LINGO2: variants seen among roughly 807,000 people sequenced by gnomAD.
The protein encoded by LINGO2 is leucine-rich repeat and immunoglobulin-like domain-containing nogo receptor-interacting protein 2.
A neutral mutation model predicts 30.6 loss-of-function variants in LINGO2; 14 were observed. The ratio of observed to expected loss-of-function variants is 0.46; its 90% CI spans 0.30 to 0.72. The LOEUF is 0.72. Among genes scored for constraint, LINGO2 ranks in the 30% least tolerant of loss-of-function variants. LINGO2 has a pLI of 0.07. For synonymous variants in LINGO2, 317 were observed against 288.5 expected (o/e 1.10, Z -1.00); for missense variants, 729 against 751.7 (o/e 0.97, Z 0.35).
At chr9:28,584,502 G>T (rs951363682) in intron 1 of LINGO2, among the ~76,000 whole-genome samples, 2 of 151,924 alleles carry the variant, frequency 1.3e-5, no homozygotes, top group Non-Finnish European at 2.9e-5. Context: ...CGGTGTTATT[G>T]CAGTACTCTT....
At chr9:29,119,162 C>G in the LINGO2 span, among the ~76,000 whole-genome samples, 1 of 152,100 alleles carries the variant, frequency 6.6e-6, no homozygotes, top group Non-Finnish European at 1.5e-5. Flanking sequence ...AATCAGCATT[C>G]CCAATAGGGG....
intron 1 of LINGO2, among the ~76,000 whole-genome samples, chr9:28,511,651 T>C (rs965582420): frequency 6.6e-6 from 1 of 152,176 alleles, no homozygotes; most frequent in Non-Finnish European, 1.5e-5. Context: ...TTTTGGCCAC[T>C]CAGAGAGGTC....
At chr9:29,138,131 G>T in the LINGO2 span, among the ~76,000 whole-genome samples, 1 of 151,792 alleles carries the variant, frequency 6.6e-6, no homozygotes, top group Non-Finnish European at 1.5e-5. Context: ...TTCTGCTGCA[G>T]TCTCAATCAA....
intron 5 of LINGO2, among the ~76,000 whole-genome samples, chr9:27,961,544 A>G (rs1264854863): frequency 6.6e-6 from 1 of 152,184 alleles, no homozygotes; most frequent in Non-Finnish European, 1.5e-5. Context: ...TAATTAGAGG[A>G]ATGATTTACA....
chr9:28,413,462 G>C (rs1307101582), intron 2 of LINGO2, among the ~76,000 whole-genome samples: 3 of 151,982 alleles, frequency 2.0e-5, no homozygotes, highest in Non-Finnish European at 4.4e-5. Flanking sequence ...AAAGTGATAT[G>C]CGAACTCTAT....
intron 2 of LINGO2, among the ~76,000 whole-genome samples, chr9:28,433,949 C>CTCTCTCTCTCTCTCTCTCTA (rs1225323260): frequency 1.1e-5 from 1 of 88,474 alleles, no homozygotes; most frequent in African/African-American, 4.5e-5. Flanking sequence ...CTCTCTCTCT[C>CTCTCTCTCTCTCTCTCTCTA]TATATATATA....
At chr9:29,209,130 TCA>T in the LINGO2 span, among the ~76,000 whole-genome samples, 1 of 152,186 alleles carries the variant, frequency 6.6e-6, no homozygotes, top group Non-Finnish European at 1.5e-5. Flanking sequence ...GCCAATTTGT[TCA>T]CAGAGTATTA....
intron 1 of LINGO2, among the ~76,000 whole-genome samples, chr9:28,523,802 C>G (rs1402968312): frequency 1.3e-5 from 2 of 151,404 alleles, no homozygotes; most frequent in Non-Finnish European, 2.9e-5. Context: ...AAAGACATTT[C>G]TATGGATTGG....
chr9:28,850,347 A>C, the LINGO2 span, among the ~76,000 whole-genome samples: 1 of 151,916 alleles, frequency 6.6e-6, no homozygotes, highest in Admixed American at 6.6e-5. Flanking sequence ...CTGAGTCGAG[A>C]GTGAGAAATG....
chr9:28,662,476 GA>G (rs1828620920), intron 1 of LINGO2, among the ~76,000 whole-genome samples: 1 of 152,104 alleles, frequency 6.6e-6, no homozygotes, highest in African/African-American at 2.4e-5. Context: ...AGATTTTGTA[GA>G]AAAAACCAGT....
chr9:28,600,691 G>A (rs1016350682), intron 1 of LINGO2, among the ~76,000 whole-genome samples: 2 of 152,156 alleles, frequency 1.3e-5, no homozygotes, highest in South Asian at 2.1e-4. Flanking sequence ...GTTTTCAAAC[G>A]AAGCATTTTT....
At chr9:28,681,612 G>A in the LINGO2 span, among the ~76,000 whole-genome samples, 1 of 152,070 alleles carries the variant, frequency 6.6e-6, no homozygotes, top group African/African-American at 2.4e-5. Flanking sequence ...CTGGCTCCTG[G>A]AACTGATGAC....
At chr9:28,881,176 GAAATACCC>G in the LINGO2 span, among the ~76,000 whole-genome samples, 2 of 152,092 alleles carry the variant, frequency 1.3e-5, no homozygotes, top group Non-Finnish European at 2.9e-5. Context: ...CACCCGACTA[GAAATACCC>G]ACAGGTGTGG....
At chr9:27,975,384 G>T (rs1380642511) in intron 5 of LINGO2, among the ~76,000 whole-genome samples, 2 of 152,042 alleles carry the variant, frequency 1.3e-5, no homozygotes, top group Non-Finnish European at 2.9e-5. Flanking sequence ...GCTTTCCAAA[G>T]GGTGGGGTAA....
chr9:28,667,650 A>G (rs1329187268), intron 1 of LINGO2, among the ~76,000 whole-genome samples: 1 of 152,144 alleles, frequency 6.6e-6, no homozygotes, highest in African/African-American at 2.4e-5. Flanking sequence ...GGACTGAGGC[A>G]TGAGAATTGC....
At chr9:28,325,878 C>T (rs1013524163) in intron 3 of LINGO2, among the ~76,000 whole-genome samples, 1 of 152,166 alleles carries the variant, frequency 6.6e-6, no homozygotes, top group East Asian at 1.9e-4. Flanking sequence ...CTTAAAAACT[C>T]TCCCACATTT....
intron 3 of LINGO2, among the ~76,000 whole-genome samples, chr9:28,298,828 A>G (rs12235197): frequency 0.072 from 11,037 of 152,278 alleles, 726 homozygotes; most frequent in East Asian, 0.39. Flanking sequence ...AGTGATTGAT[A>G]AATCACTGTT....
At chr9:28,649,367 C>A (rs1419143132) in intron 1 of LINGO2, among the ~76,000 whole-genome samples, 1 of 152,076 alleles carries the variant, frequency 6.6e-6, no homozygotes, top group Non-Finnish European at 1.5e-5. Flanking sequence ...ATTAAATCCT[C>A]ATAACAGTTC....
At chr9:28,986,946 T>C in the LINGO2 span, among the ~76,000 whole-genome samples, 9 of 152,118 alleles carry the variant, frequency 5.9e-5, no homozygotes, top group Admixed American at 4.6e-4. Flanking sequence ...TTTGTAGCTA[T>C]TATAACTGGA....
Sources: gnomAD v4.1 joint callset for allele counts (sites outside exome capture counted in the v4.1 genomes callset) on GRCh38, gnomAD v4.1.1 for gene constraint, MANE v1.5 for transcripts, NCBI Gene and HGNC (gene_info 2026-07-23, HGNC 2026-07-21) for gene names.